Variants in ASB9 observed in about 807,000 individuals in gnomAD.
The protein encoded by ASB9 is ankyrin repeat and SOCS box protein 9.
A neutral mutation model predicts 16.6 loss-of-function variants in ASB9; 5 were observed. That is an observed-to-expected ratio of 0.30 (90% CI 0.16 to 0.63). The LOEUF is 0.63. Ranked by LOEUF, ASB9 falls within the 30% of genes least tolerant of loss-of-function variation. The pLI, the probability that ASB9 is intolerant of heterozygous loss-of-function variation, is 0.82. For synonymous variants in ASB9, 100 were observed against 86.4 expected (o/e 1.16, Z -0.87); for missense variants, 216 against 229.4 (o/e 0.94, Z 0.38).
intron 2 of ASB9, among the ~76,000 whole-genome samples, chrX:15,257,478 G>A (rs1272903819): frequency 2.7e-5 from 3 of 111,168 alleles, no homozygotes; most frequent in Non-Finnish European, 3.8e-5. Flanking sequence ...ATAAATCCAC[G>A]TAAATGAAAT....
chrX:15,245,558 A>C (rs1287126692), intron 6 of ASB9, among the ~76,000 whole-genome samples: 3 of 111,763 alleles, frequency 2.7e-5, no homozygotes, highest in African/African-American at 9.8e-5. Flanking sequence ...ATATACCCTC[A>C]AGAACTCCAT....
At chrX:15,258,838 C>T in intron 2 of ASB9, 28 bp downstream of exon 2, 1 of 1,136,383 alleles carries the variant, frequency 8.8e-7, no homozygotes, top group Non-Finnish European at 1.2e-6. Context: ...TGATAGGTTT[C>T]TTCTGTATTG....
chrX:15,262,992 G>A (rs1926097860), intron 1 of ASB9, among the ~76,000 whole-genome samples: 1 of 112,290 alleles, frequency 8.9e-6, no homozygotes, highest in Non-Finnish European at 1.9e-5. Context: ...GTGTGTATTA[G>A]CAAGAACTTA....
At position 15,269,848 on chromosome X, in the gene ASB9, A is replaced by G. The variant is rs1296227466; in HGVS notation, c.27T>C (p.Asp9=). 1.2e-5 allele frequency: 14 copies of G among 1,205,251 alleles called. No individual in the cohort carries two copies. The highest frequency in any genetic ancestry group is 1.6e-5 in the Non-Finnish European group (14 of 892,963). The change falls in exon 1 of 7, where the codon GAT becomes GAC. Residue 9 remains aspartate, a synonymous_variant. Coordinates refer to ENST00000380488, the MANE Select transcript of ASB9 (RefSeq NM_001031739.3). ...CCCTTGGCCCCGCGGGCTTGCTCCCATCCATGCCCCCTTGTTTGCCATCCA... is the reference window on the plus strand; with the variant it reads ...CCCTTGGCCCCGCGGGCTTGCTCCCGTCCATGCCCCCTTGTTTGCCATCCA... MDGKQGGM[D]GSKPAGPRDF...
At chrX:15,252,615 A>G (rs184291389) in intron 3 of ASB9, among the ~76,000 whole-genome samples, 1 of 112,010 alleles carries the variant, frequency 8.9e-6, no homozygotes, top group African/African-American at 3.2e-5. Context: ...TCAATGTTCT[A>G]TCTCCTCCAT....
intron 6 of ASB9, 134 bp downstream of exon 6, chrX:15,248,610 A>G: frequency 2.9e-6 from 3 of 1,035,640 alleles, no homozygotes; most frequent in Admixed American, 3.3e-5. Flanking sequence ...AATTATCTCA[A>G]CTTCCCAGAT....
At chrX:15,244,720 A>C in intron 6 of ASB9, 90 bp from the exon 7 acceptor site, 1 of 965,758 alleles carries the variant, frequency 1.0e-6, no homozygotes, top group Non-Finnish European at 1.4e-6. Context: ...AAGATAGAAC[A>C]TTGTTATAAG....
chrX:15,256,706 G>A (rs1286069780), intron 2 of ASB9, among the ~76,000 whole-genome samples: 23 of 97,424 alleles, frequency 2.4e-4, no homozygotes, highest in Non-Finnish European at 4.1e-4. Context: ...GAACCCCAGG[G>A]GGCGGAGCCT....
chrX:15,267,417 A>AATATATATAT (rs1555934602), intron 1 of ASB9, among the ~76,000 whole-genome samples: 2 of 78,025 alleles, frequency 2.6e-5, no homozygotes, highest in East Asian at 8.7e-4. Flanking sequence ...CTAAAAAAAA[A>AATATATATAT]ATATATATAT....
At chrX:15,256,150 G>A (rs1176646975) in intron 2 of ASB9, among the ~76,000 whole-genome samples, 1 of 110,236 alleles carries the variant, frequency 9.1e-6, no homozygotes, top group Non-Finnish European at 1.9e-5. Context: ...TTTGTGACAC[G>A]TGAAAATTTT....
intron 3 of ASB9, among the ~76,000 whole-genome samples, chrX:15,253,093 G>T (rs1392412650): frequency 5.4e-5 from 6 of 110,344 alleles, no homozygotes; most frequent in Admixed American, 1.9e-4. Context: ...AATTAGCCCA[G>T]CATGGTAGCA....
At chrX:15,260,967 C>T (rs745991721) in intron 1 of ASB9, among the ~76,000 whole-genome samples, 6 of 111,663 alleles carry the variant, frequency 5.4e-5, no homozygotes, top group Non-Finnish European at 1.1e-4. Flanking sequence ...ATCTACATAC[C>T]GCCCATCCAA....
intron 1 of ASB9, among the ~76,000 whole-genome samples, chrX:15,268,638 A>G (rs1286279510): frequency 2.8e-5 from 3 of 106,185 alleles, no homozygotes; most frequent in African/African-American, 1.0e-4. Flanking sequence ...GTTGGCCAGG[A>G]TGGTATCCTG....
chrX:15,249,899 A>C (rs778398413), intron 5 of ASB9, among the ~76,000 whole-genome samples: 31 of 112,227 alleles, frequency 2.8e-4, no homozygotes, highest in African/African-American at 1.0e-3. Flanking sequence ...TCAGATAATT[A>C]AAGAGGTGAT....
At chrX:15,259,381 G>T (rs948186633) in intron 1 of ASB9, among the ~76,000 whole-genome samples, 1 of 112,408 alleles carries the variant, frequency 8.9e-6, no homozygotes, top group East Asian at 2.8e-4. Context: ...ATTAATAGTA[G>T]TAATCATGTA....
At chrX:15,249,024 A>T in intron 5 of ASB9, 89 bp from the exon 6 acceptor site, 1 of 921,439 alleles carries the variant, frequency 1.1e-6, no homozygotes, top group Non-Finnish European at 1.5e-6. Flanking sequence ...AAAATTTCCT[A>T]ACAAGAGGGG....
intron 2 of ASB9, among the ~76,000 whole-genome samples, chrX:15,256,690 T>C (rs1211608391): frequency 1.1e-5 from 1 of 93,158 alleles, no homozygotes; most frequent in African/African-American, 4.1e-5. Flanking sequence ...GGCAGGAGAA[T>C]GGCGTGAACC....
At chrX:15,270,154 C>A (rs1926870959), upstream of ASB9, 5 of 240,232 alleles carry the variant, frequency 2.1e-5, no homozygotes, top group Admixed American at 1.4e-4. Context: ...GCCACAAGAA[C>A]CCTCCAGCCC....
At chrX:15,254,917 T>G in intron 2 of ASB9, 73 bp from the exon 3 acceptor site, 1 of 833,176 alleles carries the variant, frequency 1.2e-6, no homozygotes, top group South Asian at 2.3e-5. Context: ...CAGCCACCAT[T>G]CCAGTACTAT....
Sources: allele counts gnomAD v4.1 joint callset (sites outside exome capture counted in the v4.1 genomes callset), GRCh38; gene constraint gnomAD v4.1.1; transcripts MANE v1.5; gene names NCBI Gene and HGNC (gene_info 2026-07-23, HGNC 2026-07-21).